ZNF714: variants seen among roughly 807,000 people sequenced by gnomAD.
The protein encoded by ZNF714 is zinc finger protein 714.
A neutral mutation model predicts 46.2 loss-of-function variants in ZNF714; 32 were observed. The observed-to-expected ratio is 0.69, with a 90% CI of 0.52 to 0.93. ZNF714 has a LOEUF of 0.93. Ranked by LOEUF, ZNF714 falls within the 40% of genes least tolerant of loss-of-function variation. The pLI is 0.00. For missense variants in ZNF714, 635 were observed against 646.3 expected, an observed-to-expected ratio of 0.98 and a Z score of 0.19; for synonymous variants, 199 against 213.1, an observed-to-expected ratio of 0.93 and a Z score of 0.58.
Position 21,122,022 on chromosome 19 carries a change from CT to C in ZNF714, c.*3694del, listed in dbSNP as rs1969711330. On this transcript the variant is annotated 3_prime_UTR_variant, in exon 5 of 5. Transcript: ENST00000456283. Reference sequence around the variant, plus strand: ...TTTAGTGAGAGCACTCCATTTTGTTCTTTTAAGGGGAGAACAATATATAAGT... The same window carrying C: ...TTTAGTGAGAGCACTCCATTTTGTTCTTTAAGGGGAGAACAATATATAAGT... 1 of 151,996 alleles carries C rather than the reference CT, an allele frequency of 6.6e-6. No individual in the cohort carries two copies. The allele number at this position is 151,996 out of a possible 1,614,324, so 9.4% of individuals were successfully genotyped here.
intron 4 of ZNF714, among the ~76,000 whole-genome samples, chr19:21,106,053 A>G (rs186103533): frequency 1.1e-3 from 167 of 152,002 alleles, no homozygotes; most frequent in African/African-American, 3.8e-3. Context: ...GGAGGTTGAG[A>G]CCAGCGTGGC....
At chr19:21,109,343 G>A (rs889693741) in intron 4 of ZNF714, among the ~76,000 whole-genome samples, 2 of 152,040 alleles carry the variant, frequency 1.3e-5, no homozygotes, top group African/African-American at 2.4e-5. Flanking sequence ...AGCTTCTTGA[G>A]TAGCTGGGTT....
At chr19:21,115,519 G>T (rs1030269583) in intron 4 of ZNF714, among the ~76,000 whole-genome samples, 1 of 151,112 alleles carries the variant, frequency 6.6e-6, no homozygotes, top group African/African-American at 2.4e-5. Flanking sequence ...CTTTTTATTG[G>T]GCAGGACTGG....
At position 21,118,744 on chromosome 19, in the gene ZNF714, C is replaced by A; in HGVS notation, c.*412C>A. 1 of 207,220 alleles carries A rather than the reference C, an allele frequency of 4.8e-6. No homozygotes were observed. The allele number at this position is 207,220 out of a possible 1,614,324, so 12.8% of individuals were successfully genotyped here. A position where few individuals can be genotyped will look rare whatever the true frequency, so the allele number is the denominator to read the frequency against. The stretch of plus-strand genomic sequence containing the variant: ...TAACATAATTCATACTGGAAAGAAA[C>A]TCTGCAAACCAGAAAGATCTGGCAA... On this transcript the variant is annotated 3_prime_UTR_variant, in exon 5 of 5. Coordinates refer to ENST00000456283, the MANE Select transcript of ZNF714 (RefSeq NM_182515.4).
chr19:21,098,118 C>A (rs1969087073), intron 2 of ZNF714, 67 bp from the exon 3 acceptor site: 6 of 1,531,184 alleles, frequency 3.9e-6, no homozygotes, highest in South Asian at 1.3e-5. Context: ...CACCTTAATT[C>A]AAATAATAAA....
chr19:21,109,793 T>G (rs1969408388), intron 4 of ZNF714: 1 of 44,632 alleles, frequency 2.2e-5, no homozygotes, highest in Admixed American at 2.6e-4. Flanking sequence ...TCCCCCCATA[T>G]GTCATGTGTT....
intron 2 of ZNF714, among the ~76,000 whole-genome samples, chr19:21,096,501 C>T (rs1049692003): frequency 3.3e-5 from 5 of 152,184 alleles, no homozygotes; most frequent in Non-Finnish European, 5.9e-5. Context: ...CTTTACTTCT[C>T]TACTTCTGTT....
chr19:21,087,720 T>G (rs1038336122), intron 2 of ZNF714, among the ~76,000 whole-genome samples: 4 of 152,210 alleles, frequency 2.6e-5, no homozygotes, highest in Admixed American at 2.6e-4. Flanking sequence ...CAGAAACTCT[T>G]TTGCAATTAA....
intron 2 of ZNF714, among the ~76,000 whole-genome samples, chr19:21,095,207 A>C (rs575548328): frequency 1.3e-5 from 2 of 152,294 alleles, no homozygotes; most frequent in Non-Finnish European, 2.9e-5. Flanking sequence ...CAGGCCTTGC[A>C]TAATGTCCTC....
chr19:21,089,851 A>G, intron 2 of ZNF714, among the ~76,000 whole-genome samples: 1 of 121,652 alleles, frequency 8.2e-6, no homozygotes, highest in Non-Finnish European at 1.8e-5. Flanking sequence ...TTTACCATTC[A>G]TTCCATCAGT....
At position 21,117,685 on chromosome 19, in the gene ZNF714, T is replaced by C; in HGVS notation, c.1021T>C (p.Tyr341His). Residue 341 changes from tyrosine to histidine, a missense_variant, in exon 5 of 5, where the codon TAC becomes CAC. Physicochemically the swap from Tyr to His is moderately conservative, Grantham distance 83 (BLOSUM62 2). Coordinates refer to ENST00000456283, the MANE Select transcript of ZNF714 (RefSeq NM_182515.4). ...HKRIHTGEKPYKCEECGKAFN... is the reference protein window; with the variant it reads ...HKRIHTGEKPHKCEECGKAFN... ...AAGAATTCATACTGGAGAGAAACCC[T>C]ACAAATGTGAAGAATGTGGCAAAGC... 1.2e-6 allele frequency: 2 copies of C among 1,613,484 alleles called. No individual in the cohort carries two copies. The highest frequency in any genetic ancestry group is 1.7e-6 in the Non-Finnish European group (2 of 1,179,748).
intron 4 of ZNF714, among the ~76,000 whole-genome samples, chr19:21,111,318 C>A (rs1037876201): frequency 2.0e-5 from 3 of 152,082 alleles, no homozygotes; most frequent in Non-Finnish European, 4.4e-5. Context: ...GTACTTTATT[C>A]TCTTTGTAGC....
At chr19:21,095,009 T>C (rs920074007) in intron 2 of ZNF714, among the ~76,000 whole-genome samples, 7 of 152,176 alleles carry the variant, frequency 4.6e-5, no homozygotes, top group Non-Finnish European at 1.0e-4. Flanking sequence ...AGTTTTTTTT[T>C]CTGTAAACCT....
At chr19:21,104,027 G>A (rs558353159) in intron 4 of ZNF714, among the ~76,000 whole-genome samples, 16 of 152,188 alleles carry the variant, frequency 1.1e-4, no homozygotes, top group East Asian at 7.7e-4. Flanking sequence ...TACCCTCTCC[G>A]CGGCCCTTGA....
chr19:21,084,204 G>T, intron 2 of ZNF714, 135 bp downstream of exon 2: 1 of 228,606 alleles, frequency 4.4e-6, no homozygotes, highest in Non-Finnish European at 7.2e-6. Flanking sequence ...AATTGTGACA[G>T]AAAAAATAGT....
chr19:21,119,255 T>C lies in ZNF714; in HGVS notation c.*923T>C, dbSNP rs373418274. 3.1e-6 allele frequency: 1 copy of C among 317,836 alleles called. No homozygotes were observed. Among genetic ancestry groups the C allele is most frequent in the Admixed American group, 4.6e-5 (1 of 21,840 alleles). The allele number at this position is 317,836 out of a possible 1,614,324, so 19.7% of individuals were successfully genotyped here. A position where few individuals can be genotyped will look rare whatever the true frequency, so the allele number is the denominator to read the frequency against. ...CCATCTCTACTAAAAATACAACAAT[T>C]AGCCGGTTGCGGTGGTGGTGCCTGT... On this transcript the variant is annotated 3_prime_UTR_variant, in exon 5 of 5. Transcript: ENST00000456283.
At chr19:21,112,670 G>T in intron 4 of ZNF714, among the ~76,000 whole-genome samples, 1 of 149,584 alleles carries the variant, frequency 6.7e-6, no homozygotes, top group Non-Finnish European at 1.5e-5. Flanking sequence ...GTGATGTTAG[G>T]GTGTCCATTT....
intron 4 of ZNF714, among the ~76,000 whole-genome samples, chr19:21,100,105 T>G (rs1969141110): frequency 6.6e-6 from 1 of 152,022 alleles, no homozygotes; most frequent in East Asian, 1.9e-4. Flanking sequence ...CCGCCCACCT[T>G]GGCCTCCCAA....
At chr19:21,108,338 T>A (rs557976981) in intron 4 of ZNF714, among the ~76,000 whole-genome samples, 1 of 152,310 alleles carries the variant, frequency 6.6e-6, no homozygotes, top group African/African-American at 2.4e-5. Context: ...TTTGTACCTA[T>A]CTGTTAAGCC....
Sources: allele counts gnomAD v4.1 joint callset (sites outside exome capture counted in the v4.1 genomes callset), GRCh38; gene constraint gnomAD v4.1.1; transcripts MANE v1.5; gene names NCBI Gene and HGNC (gene_info 2026-07-23, HGNC 2026-07-21).